The following TF variants were observed in gnomAD, a reference collection of about 807,000 sequenced individuals.
The protein encoded by TF is transferrin.
A neutral mutation model predicts 82.4 loss-of-function variants in TF; 55 were observed. That is an observed-to-expected ratio of 0.67 (90% CI 0.54 to 0.84). TF has a LOEUF of 0.84. TF is among the 40% of genes least tolerant of loss of function. The pLI is 0.00. For synonymous variants in TF, 332 were observed against 332.6 expected (o/e 1.00, Z 0.02); for missense variants, 737 against 868.4 (o/e 0.85, Z 1.90).
chr3:133,748,931 A>G (rs971404687), intron 2 of TF, among the ~76,000 whole-genome samples: 8 of 152,048 alleles, frequency 5.3e-5, no homozygotes, highest in African/African-American at 1.7e-4. Flanking sequence ...AGGCTGAGGC[A>G]GGTGGATCAC....
the TF span, among the ~76,000 whole-genome samples, chr3:133,726,160 T>C: frequency 6.6e-6 from 1 of 152,236 alleles, no homozygotes; most frequent in Non-Finnish European, 1.5e-5. Flanking sequence ...ATCAGGATGA[T>C]GCTGGCCTCA....
the TF span, among the ~76,000 whole-genome samples, chr3:133,681,991 C>T: frequency 2.4e-4 from 36 of 152,170 alleles, no homozygotes; most frequent in Non-Finnish European, 4.6e-4. Flanking sequence ...AGGTGCCCAT[C>T]TGAGACGAAG....
the TF span, among the ~76,000 whole-genome samples, chr3:133,683,949 G>C: frequency 6.6e-6 from 1 of 152,156 alleles, no homozygotes; most frequent in Non-Finnish European, 1.5e-5. Flanking sequence ...CACATAGTTG[G>C]AAGTAAAGCT....
chr3:133,696,708 T>A, the TF span, among the ~76,000 whole-genome samples: 1 of 152,196 alleles, frequency 6.6e-6, no homozygotes, highest in Non-Finnish European at 1.5e-5. Flanking sequence ...CAAATTATTG[T>A]AAATATTTCA....
At chr3:133,664,248 A>T in the TF span, among the ~76,000 whole-genome samples, 1 of 152,220 alleles carries the variant, frequency 6.6e-6, no homozygotes, top group Non-Finnish European at 1.5e-5. Context: ...GATTGATTCC[A>T]AGGCCCCCTA....
chr3:133,746,861 C>G (rs537801461), intron 1 of TF, among the ~76,000 whole-genome samples: 41 of 152,320 alleles, frequency 2.7e-4, no homozygotes, highest in Admixed American at 2.5e-3. Flanking sequence ...CTGATGTCCC[C>G]TGGGTGCCCT....
chr3:133,736,640 A>AAAAAAAAAAAAAG, the TF span, among the ~76,000 whole-genome samples: 1 of 148,758 alleles, frequency 6.7e-6, no homozygotes. Flanking sequence ...CCAAAAAAAA[A>AAAAAAAAAAAAAG]AAAAAAAAAA....
At position 133,748,544 on chromosome 3, in the gene TF, TGAA is replaced by T; in HGVS notation, c.180_182del (p.Lys61del). The stretch of plus-strand genomic sequence containing the variant: ...TCCGATGGTCCCAGTGTTGCTTGTG[TGAA>T]GAAAGCCTCCTACCTTGATTGCATC... On this transcript the variant is annotated inframe_deletion, in exon 2 of 17. Coordinates refer to ENST00000402696, the MANE Select transcript of TF (RefSeq NM_001063.4). 1.2e-6 allele frequency: 2 copies of T among 1,614,050 alleles called. No individual in the cohort carries two copies. The highest frequency in any genetic ancestry group is 1.7e-6 in the Non-Finnish European group (2 of 1,180,004).
chr3:133,760,386 A>G (rs8177245), intron 9 of TF: 44,682 of 152,292 alleles, frequency 0.29, 7,268 homozygotes, highest in East Asian at 0.42. Context: ...TACAATTTAT[A>G]GATATCACTT....
chr3:133,710,343 TCA>T, the TF span, among the ~76,000 whole-genome samples: 1 of 152,186 alleles, frequency 6.6e-6, no homozygotes, highest in Non-Finnish European at 1.5e-5. Flanking sequence ...CTGGAGAGCG[TCA>T]CAGCGCGGCA....
chr3:133,731,681 A>G, the TF span, among the ~76,000 whole-genome samples: 1 of 152,232 alleles, frequency 6.6e-6, no homozygotes, highest in African/African-American at 2.4e-5. Context: ...TATTGGTCAG[A>G]CAGAGCAAGC....
At chr3:133,746,290 G>C, upstream of TF, 1 of 856,654 alleles carries the variant, frequency 1.2e-6, no homozygotes, top group Non-Finnish European at 1.9e-6. Flanking sequence ...TTGGGAGAGG[G>C]GCGATTGGGC....
chr3:133,755,795 T>A, intron 5 of TF: 2 of 493,788 alleles, frequency 4.1e-6, no homozygotes, highest in Non-Finnish European at 7.4e-6. Flanking sequence ...AGGACAATCA[T>A]GCCTCTAGTG....
chr3:133,670,234 G>T, the TF span, among the ~76,000 whole-genome samples: 39 of 152,342 alleles, frequency 2.6e-4, no homozygotes, highest in Admixed American at 2.5e-3. Flanking sequence ...ACAAAAAGAG[G>T]ATGGCAATAG....
intron 12 of TF, among the ~76,000 whole-genome samples, chr3:133,766,835 G>T (rs1025185529): frequency 6.6e-6 from 1 of 152,106 alleles, no homozygotes; most frequent in East Asian, 1.9e-4. Context: ...GATCCAGGCA[G>T]CCCCAGTCAC....
Position 133,792,778 on chromosome 3 carries a change from TTGAA to T in TF, c.*14162_*14165del, listed in dbSNP as rs1369063573. Reference sequence around the variant, plus strand: ...TTTAAGTTAGGATAAAGCTAAAAGTTTGAATGAGTTGTGGAAGATTTATAAAAAT... The same window carrying T: ...TTTAAGTTAGGATAAAGCTAAAAGTTTGAGTTGTGGAAGATTTATAAAAAT... On this transcript the variant is annotated 3_prime_UTR_variant, in exon 17 of 17. Coordinates refer to ENST00000402696, the MANE Select transcript of TF (RefSeq NM_001063.4). 1 of 152,122 alleles carries T rather than the reference TTGAA, an allele frequency of 6.6e-6. No homozygotes were observed. The highest frequency in any genetic ancestry group is 1.5e-5 in the Non-Finnish European group (1 of 68,016). 9.4% of individuals were successfully genotyped at this position (152,122 alleles called of 1,614,324 possible).
In TF at chr3:133,787,837, G is replaced by T. The variant is rs1279275730; in HGVS notation, c.*9217G>T. On this transcript the variant is annotated 3_prime_UTR_variant, in exon 17 of 17. Transcript: ENST00000402696. ...TATCCACTCTCTAGATACTAAAGAG[G>T]TTGCCAATGTATGACAAAAATAGTA... 6.6e-6 allele frequency: 1 copy of T among 152,258 alleles called. No homozygotes were observed. The highest frequency in any genetic ancestry group is 2.1e-4 in the South Asian group (1 of 4,824). The allele number at this position is 152,258 out of a possible 1,614,324, so 9.4% of individuals were successfully genotyped here.
At chr3:133,695,273 G>C in the TF span, among the ~76,000 whole-genome samples, 1 of 141,314 alleles carries the variant, frequency 7.1e-6, no homozygotes, top group African/African-American at 2.7e-5. Context: ...TTTTGAGATG[G>C]AGTCTCCCTC....
In TF at chr3:133,783,008, ACC is replaced by A. The variant is rs1312057383; in HGVS notation, c.*4391_*4392del. On this transcript the variant is annotated 3_prime_UTR_variant, in exon 17 of 17. Transcript: ENST00000402696. ...CTGCACTCCAGCCTGGGGACAGGAG[ACC>A]CCGTCTCAAACAAAACAAAACCAAG... 1 of 152,024 alleles carries A rather than the reference ACC, an allele frequency of 6.6e-6. No homozygotes were observed. The highest frequency in any genetic ancestry group is 2.4e-5 in the African/African-American group (1 of 41,364). The allele number at this position is 152,024 out of a possible 1,614,324, so 9.4% of individuals were successfully genotyped here.
Sources: gnomAD v4.1 joint callset for allele counts (sites outside exome capture counted in the v4.1 genomes callset) on GRCh38, gnomAD v4.1.1 for gene constraint, MANE v1.5 for transcripts, NCBI Gene and HGNC (gene_info 2026-07-23, HGNC 2026-07-21) for gene names.